SMG1: variants seen among roughly 807,000 people sequenced by gnomAD.
SMG1 encodes SMG1 nonsense mediated mRNA decay associated PI3K related kinase, also known as serine/threonine-protein kinase SMG1.
Under a neutral mutation model 419.9 loss-of-function variants are expected in SMG1, and 22 were observed. The ratio of observed to expected loss-of-function variants is 0.05; its 90% CI spans 0.04 to 0.07. The LOEUF (loss-of-function observed/expected upper bound fraction) is 0.07. Among genes scored for constraint, SMG1 ranks in the 10% least tolerant of loss-of-function variants. The pLI is 1.00. For synonymous variants in SMG1, 1,538 were observed against 1,553.5 expected (o/e 0.99, Z 0.23); for missense variants, 3,185 against 4,342.0 (o/e 0.73, Z 7.49).
rs1388919137 is a variant in SMG1, at chr16:18,870,885, A to G, written c.2306T>C (p.Leu769Pro). ...CAGACAGATATTCACATCTTCAACG[A>G]GAGCTATTAAACATTAAAAGACAGT... ...KFCKGLLANT[L>P]VEDVNICLQA... Residue 769 changes from leucine to proline, a missense_variant, in exon 17 of 63, where the codon CTC becomes CCC. Transcript: ENST00000446231. 2 of 1,524,624 alleles carry G rather than the reference A, an allele frequency of 1.3e-6. No individual in the cohort carries two copies. Among genetic ancestry groups the G allele is most frequent in the Non-Finnish European group, 8.9e-7 (1 of 1,120,320 alleles). The allele number at this position is 1,524,624 out of a possible 1,614,324, so 94.4% of individuals were successfully genotyped here. A position where few individuals can be genotyped will look rare whatever the true frequency, so the allele number is the denominator to read the frequency against.
At chr16:18,863,910 A>G (rs550027076) in intron 24 of SMG1, 59 bp from the exon 25 acceptor site, 3 of 1,584,160 alleles carry the variant, frequency 1.9e-6, no homozygotes, top group Non-Finnish European at 2.6e-6. Context: ...AATATTTCAA[A>G]GAGCACAGAA....
intron 55 of SMG1, among the ~76,000 whole-genome samples, chr16:18,826,749 G>A (rs1336074466): frequency 4.9e-5 from 1 of 20,336 alleles, no homozygotes; most frequent in East Asian, 5.7e-4. Context: ...GGAGCCTACA[G>A]AGGCAGGCAG....
intron 48 of SMG1, 109 bp from the exon 49 acceptor site, chr16:18,835,273 T>C: frequency 8.8e-7 from 1 of 1,139,166 alleles, no homozygotes. Context: ...AATCATTATT[T>C]ACATTTTACA....
Position 18,815,235 on chromosome 16 carries a change from C to T in SMG1, c.10561G>A (p.Ala3521Thr), listed in dbSNP as rs1274287988. The T allele has an allele frequency of 6.3e-7, 1 of 1,595,340 alleles. No individual in the cohort carries two copies. Among genetic ancestry groups the T allele is most frequent in the South Asian group, 1.1e-5 (1 of 87,784 alleles). The change falls in exon 60 of 63, where the codon GCA (alanine) becomes ACA (threonine). Residue 3521 changes from alanine (A) to threonine (T), a missense_variant. This residue lies in a region of SMG1 where 737 missense variants were observed against 846.6 expected (regional missense o/e 0.87). Coordinates refer to ENST00000446231, the MANE Select transcript of SMG1 (RefSeq NM_015092.5). ...VSFASPLVTD[A>T]TNECSSPTSS... ...GTTGGACTCGAACATTCATTTGTTG[C>T]ATCGGTGACTAAGGGTGATGCAAAA... is the stretch of plus-strand genomic sequence containing the variant.
chr16:18,887,762 T>TAAAAAAAAAA (rs57393561), intron 6 of SMG1, among the ~76,000 whole-genome samples: 1 of 38,294 alleles, frequency 2.6e-5, no homozygotes, highest in Non-Finnish European at 4.2e-5. Context: ...TCAAAAACAG[T>TAAAAAAAAAA]AAAAAAAAAA....
In SMG1 at chr16:18,835,054, C is replaced by T; in HGVS notation, c.8168G>A (p.Arg2723Lys). 1 of 1,613,976 alleles carries T rather than the reference C, an allele frequency of 6.2e-7. No homozygotes were observed. Among genetic ancestry groups the T allele is most frequent in the Non-Finnish European group, 8.5e-7 (1 of 1,179,884 alleles). The part of the protein sequence containing the change: ...YAADINSRLI[R>K]QVERLKQEAV... ...TTCCTGTTTCAAGCGTTCCACTTGT[C>T]TAATAAGTCTGCTGTTGATGTCTGC... Residue 2723 changes from arginine to lysine, a missense_variant, in exon 49 of 63, where the codon AGA becomes AAA. This residue lies in a region of SMG1 where 412 missense variants were observed against 546.6 expected (regional missense o/e 0.75). Transcript: ENST00000446231.
At chr16:18,914,999 G>GTGCAATGGCATCATCTCCACTCAC (rs570016119) in intron 1 of SMG1, among the ~76,000 whole-genome samples, 1,667 of 148,280 alleles carry the variant, frequency 0.011, 71 homozygotes, top group East Asian at 0.092. Context: ...CCAGGCTGGA[G>GTGCAATGGCATCATCTCCACTCAC]TGCAATGGCA....
In SMG1 at chr16:18,870,990, A is replaced by T. The variant is rs2035788088; in HGVS notation, c.2303-102T>A. 5.7e-6 allele frequency: 4 copies of T among 695,752 alleles called. 1 individual carries two copies. In the South Asian group the frequency reaches 7.2e-5, roughly 13 times the overall value. 43.1% of individuals were successfully genotyped at this position (695,752 alleles called of 1,614,324 possible). On this transcript the variant is annotated intron_variant, in intron 16 of 62. Transcript: ENST00000446231. Reference sequence around the variant, plus strand: ...CCATTCATTCATTCAACAAAGAGTGAGTGCCTACTATAGACTAGGCACTAC... The same window carrying T: ...CCATTCATTCATTCAACAAAGAGTGTGTGCCTACTATAGACTAGGCACTAC...
chr16:18,859,919 CA>C (rs2035123696), intron 26 of SMG1, among the ~76,000 whole-genome samples: 1 of 152,016 alleles, frequency 6.6e-6, no homozygotes, highest in Non-Finnish European at 1.5e-5. Context: ...CTTCAAAGGC[CA>C]AAAATCAGTA....
chr16:18,900,260 A>T (rs2037294558), intron 1 of SMG1, among the ~76,000 whole-genome samples: 1 of 152,260 alleles, frequency 6.6e-6, no homozygotes, highest in African/African-American at 2.4e-5. Flanking sequence ...TTAGTACATA[A>T]GAGAATTTAA....
At chr16:18,920,238 C>T (rs1259550131) in intron 1 of SMG1, among the ~76,000 whole-genome samples, 2 of 151,742 alleles carry the variant, frequency 1.3e-5, no homozygotes, top group African/African-American at 2.4e-5. Flanking sequence ...AAAAGTTAGC[C>T]GGGTGTGGTG....
In SMG1 at chr16:18,871,341, A is replaced by G. The variant is rs200417614; in HGVS notation, c.2302+23T>C. 4.4e-3 allele frequency: 5,381 copies of G among 1,236,690 alleles called. 70 individuals are homozygous for G. The East Asian group carries it at 0.052, about 12-fold the overall frequency. The allele number at this position is 1,236,690 out of a possible 1,614,324, so 76.6% of individuals were successfully genotyped here. ...TAAGGATTGATAAACAAAATAGAAA[A>G]AAAAAAAAAAACAGAGTCTTACTGT... On this transcript the variant is annotated intron_variant, in intron 16 of 62. Coordinates refer to ENST00000446231, the MANE Select transcript of SMG1 (RefSeq NM_015092.5).
At position 18,923,420 on chromosome 16, in the gene SMG1, G is replaced by A. The variant is rs1275434266; in HGVS notation, c.92+2530C>T. ...AGCACTTCGGGAGGCCAAAGCAGGC[G>A]GATCACCTGAGTCAGGAGTCCAAGA... On this transcript the variant is annotated intron_variant, in intron 1 of 62. Transcript: ENST00000446231. 4.6e-5 allele frequency among the ~76,000 whole-genome samples: 7 copies of A among 152,246 alleles called. No homozygotes were observed. In the East Asian group the frequency reaches 1.4e-3, roughly 29 times the overall value.
intron 46 of SMG1, among the ~76,000 whole-genome samples, chr16:18,836,765 A>G (rs1425068083): frequency 2.0e-5 from 3 of 152,170 alleles, no homozygotes; most frequent in African/African-American, 7.2e-5. Context: ...AGGTTCCTTG[A>G]AGGTTAGAGA....
Position 18,852,472 on chromosome 16 carries a change from T to G in SMG1, c.4769-10A>C, listed in dbSNP as rs751814165. 1 of 1,510,826 alleles carries G rather than the reference T, an allele frequency of 6.6e-7. No homozygotes were observed. Among genetic ancestry groups the G allele is most frequent in the Admixed American group, 2.4e-5 (1 of 42,412 alleles). 93.6% of individuals were successfully genotyped at this position (1,510,826 alleles called of 1,614,324 possible). A position where few individuals can be genotyped will look rare whatever the true frequency, so the allele number is the denominator to read the frequency against. On this transcript the variant is annotated splice_polypyrimidine_tract_variant and intron_variant, in intron 31 of 62. Coordinates refer to ENST00000446231, the MANE Select transcript of SMG1 (RefSeq NM_015092.5). Reference sequence around the variant, plus strand: ...CCAACTCCAATATGCACTGCCAAAATGGACAAAAAAATAATTATAATAAAA... The same window carrying G: ...CCAACTCCAATATGCACTGCCAAAAGGGACAAAAAAATAATTATAATAAAA...
rs2033417351 is a variant in SMG1, at chr16:18,834,422, C to T, written c.8347G>A (p.Glu2783Lys). ...CTLTRRNLMM[E>K]GAASSAGEQL... ...TCTCCAGCACTTGACGCTGCACCTT[C>T]CATCATCAGGTTACGCCTACAAGAG... The change falls in exon 50 of 63, where the codon GAA becomes AAA. Residue 2783 changes from glutamate (E) to lysine (K), a missense_variant. Transcript: ENST00000446231. The T allele has an allele frequency of 6.2e-7, 1 of 1,613,506 alleles. No homozygotes were observed. Among genetic ancestry groups the T allele is most frequent in the Non-Finnish European group, 8.5e-7 (1 of 1,179,774 alleles).
rs898367012 is a variant in SMG1, at chr16:18,809,578, G to A, written c.10977C>T (p.Ala3659=). The A allele has an allele frequency of 1.2e-6, 2 of 1,610,908 alleles. No homozygotes were observed. Among genetic ancestry groups the A allele is most frequent in the Non-Finnish European group, 8.5e-7 (1 of 1,178,304 alleles). Residue 3659 remains alanine (A), a synonymous_variant, in exon 63 of 63, where the codon GCC becomes GCT. Transcript: ENST00000446231. ...NLAQLYEGWT[A]WV ...TCTACTGTCTTGCCATTCACACCCA[G>A]GCTGTCCAACCTTCATACAGCTGAG...
chr16:18,817,544 GA>G, intron 56 of SMG1, 74 bp from the exon 57 acceptor site: 1 of 1,177,432 alleles, frequency 8.5e-7, no homozygotes, highest in Non-Finnish European at 1.2e-6. Flanking sequence ...TTAATAACAT[GA>G]AAAAATACTA....
intron 32 of SMG1, 23 bp from the exon 33 acceptor site, chr16:18,852,228 A>C: frequency 6.2e-7 from 1 of 1,609,314 alleles, no homozygotes; most frequent in South Asian, 1.1e-5. Context: ...ACAAGTCATC[A>C]GTATTTCAGC....
Sources: allele counts gnomAD v4.1 joint callset (sites outside exome capture counted in the v4.1 genomes callset), GRCh38; gene constraint gnomAD v4.1.1; regional missense constraint gnomAD v4.1.1; transcripts MANE v1.5; gene names NCBI Gene and HGNC (gene_info 2026-07-23, HGNC 2026-07-21).